KEAP1: variants seen among roughly 807,000 people sequenced by gnomAD.
The protein encoded by KEAP1 is kelch-like ECH-associated protein 1.
A neutral mutation model predicts 59.7 loss-of-function variants in KEAP1; 26 were observed. The ratio of observed to expected loss-of-function variants is 0.44; its 90% CI spans 0.32 to 0.60. The LOEUF is 0.60. Among genes scored for constraint, KEAP1 ranks in the 20% least tolerant of loss-of-function variants. KEAP1 has a pLI of 0.06. For synonymous variants in KEAP1, 350 were observed against 358.3 expected, an observed-to-expected ratio of 0.98 and a Z score of 0.26; for missense variants, 539 against 871.4, an observed-to-expected ratio of 0.62 and a Z score of 4.80.
In KEAP1 at chr19:10,491,921, C is replaced by T. The variant is rs2144600838; in HGVS notation, c.981G>A (p.Leu327=). ...MPCRAPKVGR[L]IYTAGGYFRQ... is the part of the protein sequence containing the mutation. ...GGAAGTAGCCGCCCGCGGTGTAGAT[C>T]AGGCGGCCCACCTTGGGCGCCCGGC... The change falls in exon 3 of 6, where the codon CTG becomes CTA. Residue 327 remains leucine (L), a synonymous_variant. Transcript: ENST00000171111. The surrounding 1 kb of genome is among the most constrained non-coding windows in gnomAD (Gnocchi z 5.2). 1 of 1,612,614 alleles carries T rather than the reference C, an allele frequency of 6.2e-7. No individual in the cohort carries two copies. Among genetic ancestry groups the T allele is most frequent in the South Asian group, 1.1e-5 (1 of 91,020 alleles).
intron 5 of KEAP1, 79 bp from the exon 6 acceptor site, chr19:10,486,897 C>A (rs2144579628): frequency 6.8e-7 from 1 of 1,471,368 alleles, no homozygotes; most frequent in Non-Finnish European, 9.2e-7. Context: ...AGAGATGCAG[C>A]TGTGAGATGC....
intron 1 of KEAP1, 52 bp from the exon 2 acceptor site, chr19:10,500,132 AC>A (rs1208575866): frequency 2.3e-6 from 3 of 1,295,770 alleles, no homozygotes; most frequent in African/African-American, 3.0e-5. Flanking sequence ...CTGGGCCAGC[AC>A]CTGCCGGGCC....
intron 2 of KEAP1, among the ~76,000 whole-genome samples, chr19:10,497,760 G>A (rs1004463192): frequency 8.5e-5 from 13 of 152,302 alleles, no homozygotes; most frequent in African/African-American, 2.2e-4. Context: ...CATGCGTGGT[G>A]CTGCATACCT....
At position 10,499,822 on chromosome 19, in the gene KEAP1, C is replaced by T. The variant is rs1443914847; in HGVS notation, c.212G>A (p.Arg71Gln). The T allele has an allele frequency of 4.3e-6, 7 of 1,614,026 alleles. No homozygotes were observed. The highest frequency in any genetic ancestry group is 1.3e-5 in the African/African-American group (1 of 75,062). ...KQAFGIMNELRLSQQLCDVTL... is the reference protein window; with the variant it reads ...KQAFGIMNELQLSQQLCDVTL... ...GACGTCACACAGCTGCTGGCTGAGC[C>T]GCAGCTCGTTCATGATGCCAAAGGC... The change falls in exon 2 of 6, where the codon CGG (arginine) becomes CAG (glutamine). Residue 71 changes from arginine to glutamine, a missense_variant. This residue lies in a region of KEAP1 where 166 missense variants were observed against 295.8 expected (regional missense o/e 0.56). Transcript: ENST00000171111. The surrounding 1 kb of genome is among the most constrained non-coding windows in gnomAD (Gnocchi z 6.7).
intron 1 of KEAP1, among the ~76,000 whole-genome samples, chr19:10,501,624 C>CA (rs1261561835): frequency 6.6e-6 from 1 of 151,936 alleles, no homozygotes; most frequent in Non-Finnish European, 1.5e-5. Flanking sequence ...AACAAGACTC[C>CA]ATCTCAAATA....
rs1444505621 is a variant in KEAP1 at position 10,491,906 on chromosome 19, G to T, written c.996C>A (p.Gly332=). Residue 332 remains glycine, a synonymous_variant, in exon 3 of 6, where the codon GGC becomes GGA. Transcript: ENST00000171111. This position sits in a 1 kb window ranked among gnomAD's most constrained non-coding sequence, Gnocchi z 5.2. ...AGCTGAGCGACTGTCGGAAGTAGCCGCCCGCGGTGTAGATCAGGCGGCCCA... is the reference window on the plus strand; with the variant it reads ...AGCTGAGCGACTGTCGGAAGTAGCCTCCCGCGGTGTAGATCAGGCGGCCCA... ...PKVGRLIYTA[G]GYFRQSLSYL... is the part of the protein sequence containing the mutation. The T allele has an allele frequency of 3.7e-6, 6 of 1,613,506 alleles. No individual in the cohort carries two copies. The highest frequency in any genetic ancestry group is 5.1e-6 in the Non-Finnish European group (6 of 1,179,878).
At chr19:10,493,033 T>C (rs1914727339) in intron 2 of KEAP1, among the ~76,000 whole-genome samples, 1 of 152,042 alleles carries the variant, frequency 6.6e-6, no homozygotes, top group African/African-American at 2.4e-5. Context: ...TCTTACTCTG[T>C]TGCCCAAGCT....
rs35467002 is a variant in KEAP1, at chr19:10,503,055, T to G, written c.-48+186A>C. On this transcript the variant is annotated intron_variant, in intron 1 of 5. Transcript: ENST00000171111. This position sits in a 1 kb window ranked among gnomAD's most constrained non-coding sequence, Gnocchi z 4.3. ...GCCCCGGCCCGCACCAGGGGTGGGG[T>G]GGACACCCCTCCCCGTCGCTGCTGC... is the stretch of plus-strand genomic sequence containing the variant. 0.067 allele frequency: 10,164 copies of G among 150,872 alleles called. 437 individuals carry two copies. Among genetic ancestry groups the G allele is most frequent in the Non-Finnish European group, 0.089 (6,022 of 67,612 alleles). The allele number at this position is 150,872 out of a possible 1,614,324, so 9.3% of individuals were successfully genotyped here. A position where few individuals can be genotyped will look rare whatever the true frequency, so the allele number is the denominator to read the frequency against.
rs1371038745 is a variant in KEAP1 at position 10,486,407 on chromosome 19, C to A, written c.*245G>T. 3 of 465,526 alleles carry A rather than the reference C, an allele frequency of 6.4e-6. No homozygotes were observed. Among genetic ancestry groups the A allele is most frequent in the Admixed American group, 7.7e-5 (2 of 25,828 alleles). 28.8% of individuals were successfully genotyped at this position (465,526 alleles called of 1,614,324 possible). A position where few individuals can be genotyped will look rare whatever the true frequency, so the allele number is the denominator to read the frequency against. On this transcript the variant is annotated 3_prime_UTR_variant, in exon 6 of 6. Transcript: ENST00000171111. ...GGTTTGGGGGCCTCTCTCCTGGAAGCCTGCTCTTTCCACACCCCCTTTCCC... is the reference window on the plus strand; with the variant it reads ...GGTTTGGGGGCCTCTCTCCTGGAAGACTGCTCTTTCCACACCCCCTTTCCC...
intron 2 of KEAP1, 74 bp from the exon 3 acceptor site, chr19:10,492,336 T>A: frequency 8.8e-7 from 1 of 1,142,240 alleles, no homozygotes; most frequent in African/African-American, 1.5e-5. Context: ...CCGGGACAAG[T>A]AACTTATCAC....
At position 10,491,218 on chromosome 19, in the gene KEAP1, ATT is replaced by A. The variant is rs1020385935; in HGVS notation, c.1325+357_1325+358del. 1.5e-4 allele frequency among the ~76,000 whole-genome samples: 23 copies of A among 151,922 alleles called. No individual in the cohort carries two copies. Among genetic ancestry groups the A allele is most frequent in the African/African-American group, 5.6e-4 (23 of 41,356 alleles). ...AGCAAGAGAGACAGGGTCTTACTCTATTGCCCAGGCTAGTCTCCTGGACTCAA... is the reference window on the plus strand; with the variant it reads ...AGCAAGAGAGACAGGGTCTTACTCTAGCCCAGGCTAGTCTCCTGGACTCAA... On this transcript the variant is annotated intron_variant, in intron 3 of 5. Transcript: ENST00000171111. This position sits in a 1 kb window ranked among gnomAD's most constrained non-coding sequence, Gnocchi z 5.2.
At chr19:10,496,302 C>G (rs989903601) in intron 2 of KEAP1, among the ~76,000 whole-genome samples, 9 of 151,964 alleles carry the variant, frequency 5.9e-5, no homozygotes, top group African/African-American at 2.2e-4. Flanking sequence ...TCAAGACCAG[C>G]CTGACCAACA....
In KEAP1 at chr19:10,498,984, G is replaced by A. The variant is rs145733607; in HGVS notation, c.639+411C>T. Among the ~76,000 whole-genome samples the A allele has an allele frequency of 0.02, 3,047 of 152,088 alleles. 245 individuals are homozygous for A. In the East Asian group the frequency reaches 0.29, roughly 14 times the overall value. ...TGAGCAGCTGGGACTACAGGCGCCC[G>A]CCACCAGGCCTGGCTAATTTTTATA... is the stretch of plus-strand genomic sequence containing the variant. On this transcript the variant is annotated intron_variant, in intron 2 of 5. Transcript: ENST00000171111.
rs2144577361 is a variant in KEAP1, at chr19:10,486,670, C to T, written c.1857G>A (p.Gln619=). ...AAGTGCCTCAACAGGTACAGTTCTG[C>T]TGGTCAATCTGCTTCCGGCAGGGCT... The part of the protein sequence containing the change: ...TMEPCRKQID[Q]QNCTC Residue 619 remains glutamine, a synonymous_variant, in exon 6 of 6, where the codon CAG becomes CAA. Transcript: ENST00000171111. 1.2e-6 allele frequency: 2 copies of T among 1,613,412 alleles called. No individual in the cohort carries two copies. Among genetic ancestry groups the T allele is most frequent in the African/African-American group, 1.3e-5 (1 of 74,974 alleles).
chr19:10,495,673 G>A (rs1011251433), intron 2 of KEAP1, among the ~76,000 whole-genome samples: 1 of 151,730 alleles, frequency 6.6e-6, no homozygotes, highest in African/African-American at 2.4e-5. Context: ...ACTCCAGCCT[G>A]AGCAACAGAG....
In KEAP1 at chr19:10,499,782, C is replaced by A. The variant is rs1460250989; in HGVS notation, c.252G>T (p.Lys84Asn). 1 of 1,614,154 alleles carries A rather than the reference C, an allele frequency of 6.2e-7. No individual in the cohort carries two copies. Among genetic ancestry groups the A allele is most frequent in the Non-Finnish European group, 8.5e-7 (1 of 1,180,038 alleles). ...ACTGGGCGGCCGGTGCATCCTGGTA[C>A]TTGACCTGCAGTGTGACGTCACACA... ...QQLCDVTLQV[K>N]YQDAPAAQFM... Residue 84 changes from lysine (K) to asparagine (N), a missense_variant, in exon 2 of 6, where the codon AAG becomes AAT. Transcript: ENST00000171111. This position sits in a 1 kb window ranked among gnomAD's most constrained non-coding sequence, Gnocchi z 6.7.
In KEAP1 at chr19:10,489,196, G is replaced by A. The variant is rs745412368; in HGVS notation, c.1704C>T (p.Val568=). 1 of 1,611,600 alleles carries A rather than the reference G, an allele frequency of 6.2e-7. No homozygotes were observed. The highest frequency in any genetic ancestry group is 8.5e-7 in the Non-Finnish European group (1 of 1,179,730). The change falls in exon 5 of 6, where the codon GTC becomes GTT. Residue 568 remains valine (V), a synonymous_variant. Coordinates refer to ENST00000171111, the MANE Select transcript of KEAP1 (RefSeq NM_203500.2). ...TCCCCGCCCCCAGGGCCTCACCAAG[G>A]ACGTAGATTCTCCCCTGGTGGACAG... ...GITVHQGRIY[V]LGGYDGHTFL...
rs1915063733 is a variant in KEAP1, at chr19:10,502,144, G to T, written c.-48+1097C>A. Among the ~76,000 whole-genome samples, 1 of 152,152 alleles carries T rather than the reference G, an allele frequency of 6.6e-6. No homozygotes were observed. On this transcript the variant is annotated intron_variant, in intron 1 of 5. Transcript: ENST00000171111. The surrounding 1 kb of genome is among the most constrained non-coding windows in gnomAD (Gnocchi z 4.0). ...GGCACTGCGCAGGGGTCAATAAACGGGTGGTTGGCTAACTGCCCTGCCACC... is the reference window on the plus strand; with the variant it reads ...GGCACTGCGCAGGGGTCAATAAACGTGTGGTTGGCTAACTGCCCTGCCACC...
intron 1 of KEAP1, among the ~76,000 whole-genome samples, chr19:10,500,541 C>T (rs1045349901): frequency 2.6e-4 from 39 of 152,108 alleles, no homozygotes; most frequent in African/African-American, 9.4e-4. Flanking sequence ...GAGCAAAATA[C>T]AAAAATCCTA....
Sources: allele counts gnomAD v4.1 joint callset (sites outside exome capture counted in the v4.1 genomes callset), GRCh38; gene constraint gnomAD v4.1.1; regional missense constraint gnomAD v4.1.1; non-coding constraint Gnocchi (gnomAD v3.1); transcripts MANE v1.5; gene names NCBI Gene and HGNC (gene_info 2026-07-23, HGNC 2026-07-21).